Variants in CD274 observed in about 807,000 individuals in gnomAD.
CD274 encodes the protein CD274 molecule.
CD274 carries 8 observed loss-of-function variants against 30.1 expected under a neutral mutation model. The ratio of observed to expected loss-of-function variants is 0.27; its 90% confidence interval spans 0.16 to 0.48. The LOEUF is 0.48. Among genes scored for constraint, CD274 ranks in the 20% least tolerant of loss-of-function variants. The probability of loss-of-function intolerance (pLI) is 0.99; values close to 1 mark genes in which losing one functional copy is unlikely to be tolerated. For synonymous variants in CD274, 152 were observed against 124.6 expected (o/e 1.22, Z -1.46); for missense variants, 353 against 346.6 (o/e 1.02, Z -0.15).
chr9:5,450,860 G>A (rs1221940365), intron 1 of CD274, among the ~76,000 whole-genome samples: 4 of 152,216 alleles, frequency 2.6e-5, no homozygotes, highest in Non-Finnish European at 5.9e-5. Flanking sequence ...AAGATAGGTA[G>A]TATAGGATAG....
In CD274 at chr9:5,470,387, T is replaced by C. The variant is rs1819570055; in HGVS notation, c.*2525T>C. On this transcript the variant is annotated 3_prime_UTR_variant, in exon 7 of 7. Coordinates refer to ENST00000381577, the MANE Select transcript of CD274 (RefSeq NM_014143.4). ...TTTATCCCTTTTGTCTCATGTTTCATCGTAAATGGCATAGGCAGAGATGAT... is the reference window on the plus strand; with the variant it reads ...TTTATCCCTTTTGTCTCATGTTTCACCGTAAATGGCATAGGCAGAGATGAT... 1 of 231,976 alleles carries C rather than the reference T, an allele frequency of 4.3e-6. No homozygotes were observed. Among genetic ancestry groups the C allele is most frequent in the East Asian group, 6.1e-5 (1 of 16,436 alleles). The allele number at this position is 231,976 out of a possible 1,614,324, so 14.4% of individuals were successfully genotyped here.
In CD274 at chr9:5,463,439, G is replaced by C. The variant is rs1226114914; in HGVS notation, c.682+318G>C. Among the ~76,000 whole-genome samples the C allele has an allele frequency of 3.9e-5, 6 of 152,156 alleles. No individual in the cohort carries two copies. In the East Asian group the frequency reaches 1.2e-3, roughly 29 times the overall value. ...AAAACTAAGAAACAAACAAAAAACA[G>C]GCAATCCAACACCATGTGGGAAATG... On this transcript the variant is annotated intron_variant, in intron 4 of 6. Coordinates refer to ENST00000381577, the MANE Select transcript of CD274 (RefSeq NM_014143.4).
rs2131208821 is a variant in CD274 at position 5,456,154 on chromosome 9, A to T, written c.41A>T (p.His14Leu). The change falls in exon 2 of 7, where the codon CAT becomes CTT. Residue 14 changes from histidine (H) to leucine (L), a missense_variant. Coordinates refer to ENST00000381577, the MANE Select transcript of CD274 (RefSeq NM_014143.4). ...FAVFIFMTYW[H>L]LLNAFTVTVP... ...GTCTTTATATTCATGACCTACTGGC[A>T]TTTGCTGAACGGTAAGACACCAAAT... The T allele has an allele frequency of 6.2e-7, 1 of 1,606,956 alleles. No homozygotes were observed. The highest frequency in any genetic ancestry group is 8.5e-7 in the Non-Finnish European group (1 of 1,173,746).
intron 3 of CD274, among the ~76,000 whole-genome samples, chr9:5,457,788 CCCA>C (rs1819333252): frequency 6.6e-6 from 1 of 152,212 alleles, no homozygotes; most frequent in African/African-American, 2.4e-5. Context: ...ACCACTATCT[CCCA>C]TGGCATGCAG....
rs961270541 is a variant in CD274, at chr9:5,453,667, G to T, written c.-14-2433G>T. Reference sequence around the variant, plus strand: ...GCCATAAGCTTTAATGAAACAAATGGGTATTAAATGTATGATAAGGTTATA... The same window carrying T: ...GCCATAAGCTTTAATGAAACAAATGTGTATTAAATGTATGATAAGGTTATA... On this transcript the variant is annotated intron_variant, in intron 1 of 6. Coordinates refer to ENST00000381577, the MANE Select transcript of CD274 (RefSeq NM_014143.4). Among the ~76,000 whole-genome samples the T allele has an allele frequency of 3.9e-5, 6 of 152,120 alleles. No individual in the cohort carries two copies. The South Asian group carries it at 1.0e-3, about 26-fold the overall frequency.
rs760293478 is a variant in CD274 at position 5,456,146 on chromosome 9, C to G, written c.33C>G (p.Thr11=). The change falls in exon 2 of 7, where the codon ACC becomes ACG. Residue 11 remains threonine, a synonymous_variant. Transcript: ENST00000381577. The part of the protein sequence containing the change: MRIFAVFIFM[T]YWHLLNAFTV... ...TATTTGCTGTCTTTATATTCATGAC[C>G]TACTGGCATTTGCTGAACGGTAAGA... The G allele has an allele frequency of 6.2e-7, 1 of 1,608,666 alleles. No individual in the cohort carries two copies. The highest frequency in any genetic ancestry group is 1.7e-5 in the Admixed American group (1 of 59,904).
At chr9:5,455,341 C>T (rs935458029) in intron 1 of CD274, among the ~76,000 whole-genome samples, 2 of 152,088 alleles carry the variant, frequency 1.3e-5, no homozygotes, top group African/African-American at 4.8e-5. Flanking sequence ...AGAAGAGGTG[C>T]TCAATCAGTG....
At chr9:5,454,665 T>C (rs762922951) in intron 1 of CD274, among the ~76,000 whole-genome samples, 2 of 152,050 alleles carry the variant, frequency 1.3e-5, no homozygotes, top group African/African-American at 2.4e-5. Flanking sequence ...GTTTTTGTTT[T>C]AGTAGGATAG....
intron 3 of CD274, 117 bp downstream of exon 3, chr9:5,457,537 C>T: frequency 1.4e-6 from 1 of 734,144 alleles, no homozygotes; most frequent in South Asian, 1.9e-5. Context: ...ATAGTCTGTT[C>T]ATTCATTCAT....
At chr9:5,466,585 C>A (rs1483764466) in intron 5 of CD274, among the ~76,000 whole-genome samples, 185 bp from the exon 6 acceptor site, 2 of 151,860 alleles carry the variant, frequency 1.3e-5, no homozygotes, top group Non-Finnish European at 2.9e-5. Context: ...CATCTAGGAT[C>A]AAAAGCATGT....
chr9:5,465,425 G>T, intron 4 of CD274, 74 bp from the exon 5 acceptor site: 1 of 824,282 alleles, frequency 1.2e-6, no homozygotes, highest in South Asian at 1.4e-5. Context: ...CTTCAAGGAT[G>T]ACCATTCTCC....
chr9:5,461,729 G>A (rs10114060), intron 3 of CD274, among the ~76,000 whole-genome samples: 45,614 of 151,936 alleles, frequency 0.3, 7,258 homozygotes, highest in East Asian at 0.6. Flanking sequence ...TGCTATATAG[G>A]TGCACTAAAC....
intron 4 of CD274, chr9:5,463,334 T>A: frequency 1.8e-6 from 1 of 563,420 alleles, no homozygotes; most frequent in Non-Finnish European, 3.2e-6. Context: ...GGAATATACC[T>A]TTTGTTCCAT....
At chr9:5,464,963 T>A (rs1159293904) in intron 4 of CD274, among the ~76,000 whole-genome samples, 1 of 152,034 alleles carries the variant, frequency 6.6e-6, no homozygotes. Context: ...GGTGTGCACC[T>A]GTAATCCCAG....
chr9:5,464,253 G>T (rs1179509942), intron 4 of CD274, among the ~76,000 whole-genome samples: 1 of 152,112 alleles, frequency 6.6e-6, no homozygotes, highest in East Asian at 1.9e-4. Context: ...CAACTTACTT[G>T]TTGGGTGGCC....
At chr9:5,467,666 T>G (rs1819519612) in intron 6 of CD274, among the ~76,000 whole-genome samples, 174 bp from the exon 7 acceptor site, 1 of 152,160 alleles carries the variant, frequency 6.6e-6, no homozygotes, top group Non-Finnish European at 1.5e-5. Context: ...CTGAGGGGTT[T>G]TCCAGGATAT....
chr9:5,452,026 CTTTT>C (rs71326169), intron 1 of CD274, among the ~76,000 whole-genome samples: 1 of 126,450 alleles, frequency 7.9e-6, no homozygotes, highest in East Asian at 2.3e-4. Context: ...TTTTTTTTGT[CTTTT>C]TTTTTTTTTT....
chr9:5,451,102 A>G (rs960714735), intron 1 of CD274, among the ~76,000 whole-genome samples: 1 of 152,232 alleles, frequency 6.6e-6, no homozygotes, highest in African/African-American at 2.4e-5. Flanking sequence ...CTAAAAGAGG[A>G]ATGGAGGAGC....
rs763153496 is a variant in CD274 at position 5,469,640 on chromosome 9, T to C, written c.*1778T>C. The C allele has an allele frequency of 7.3e-5, 17 of 232,058 alleles. No homozygotes were observed. Among genetic ancestry groups the C allele is most frequent in the Non-Finnish European group, 1.3e-4 (15 of 117,442 alleles). 14.4% of individuals were successfully genotyped at this position (232,058 alleles called of 1,614,324 possible). A position where few individuals can be genotyped will look rare whatever the true frequency, so the allele number is the denominator to read the frequency against. On this transcript the variant is annotated 3_prime_UTR_variant, in exon 7 of 7. Transcript: ENST00000381577. ...TGCCTTCTTTGTTTCTAAGTTATCT[T>C]TCCCATAGCTTTTCATTATCTTTCA... is the stretch of plus-strand genomic sequence containing the variant.
Sources: gnomAD v4.1 joint callset for allele counts (sites outside exome capture counted in the v4.1 genomes callset) on GRCh38, gnomAD v4.1.1 for gene constraint, MANE v1.5 for transcripts, NCBI Gene and HGNC (gene_info 2026-07-23, HGNC 2026-07-21) for gene names.